Variants in GPC6 observed in about 807,000 individuals in gnomAD.
The protein encoded by GPC6 is glypican-6.
Under a neutral mutation model 55.2 loss-of-function variants are expected in GPC6, and 14 were observed. The ratio of observed to expected loss-of-function variants is 0.25; its 90% CI spans 0.17 to 0.40. The LOEUF (loss-of-function observed/expected upper bound fraction) is 0.40, where lower values mean the gene tolerates loss of function less well. GPC6 is among the 10% of genes least tolerant of loss of function. The probability of loss-of-function intolerance (pLI) is 1.00; values close to 1 mark genes in which losing one functional copy is unlikely to be tolerated. For missense variants in GPC6, 641 were observed against 708.5 expected, an observed-to-expected ratio of 0.90 and a Z score of 1.08; for synonymous variants, 278 against 259.6, an observed-to-expected ratio of 1.07 and a Z score of -0.68.
chr13:94,345,268 T>A (rs1878230901), intron 6 of GPC6, among the ~76,000 whole-genome samples: 1 of 152,110 alleles, frequency 6.6e-6, no homozygotes, highest in Non-Finnish European at 1.5e-5. Context: ...ACACCAAGTT[T>A]TATATATATA....
chr13:93,563,197 A>G (rs1316545300), intron 2 of GPC6, among the ~76,000 whole-genome samples: 1 of 152,122 alleles, frequency 6.6e-6, no homozygotes, highest in Non-Finnish European at 1.5e-5. Flanking sequence ...GATATGATCC[A>G]CTTAATTATG....
intron 6 of GPC6, among the ~76,000 whole-genome samples, chr13:94,360,423 C>G (rs1411241492): frequency 6.6e-6 from 1 of 152,138 alleles, no homozygotes; most frequent in Non-Finnish European, 1.5e-5. Flanking sequence ...GCATTTGATT[C>G]ATCTGTCTTT....
intron 3 of GPC6, among the ~76,000 whole-genome samples, chr13:93,983,866 G>A (rs1195526154): frequency 6.6e-6 from 1 of 151,076 alleles, no homozygotes; most frequent in Admixed American, 6.6e-5. Context: ...GAGAGTAGCT[G>A]ATTCTTGCCT....
intron 1 of GPC6, among the ~76,000 whole-genome samples, chr13:93,393,493 G>A (rs994106163): frequency 4.6e-5 from 7 of 152,012 alleles, no homozygotes; most frequent in African/African-American, 7.2e-5. Context: ...CATTGCCAGA[G>A]TACCAAGTAT....
chr13:93,991,551 A>G (rs1881307889), intron 3 of GPC6, among the ~76,000 whole-genome samples: 1 of 152,190 alleles, frequency 6.6e-6, no homozygotes, highest in Non-Finnish European at 1.5e-5. Flanking sequence ...ATGTCTTCTT[A>G]ATTTCTATTC....
At chr13:93,243,799 C>G (rs1311839796) in intron 1 of GPC6, among the ~76,000 whole-genome samples, 1 of 152,166 alleles carries the variant, frequency 6.6e-6, no homozygotes, top group Non-Finnish European at 1.5e-5. Flanking sequence ...TTCACAAGCA[C>G]TGTGTTACTG....
chr13:94,209,215 A>G (rs1476374184), intron 4 of GPC6, among the ~76,000 whole-genome samples: 1 of 152,186 alleles, frequency 6.6e-6, no homozygotes, highest in Non-Finnish European at 1.5e-5. Flanking sequence ...AGAAGGAAGA[A>G]AAGGCAATAA....
At chr13:93,994,879 C>T (rs1364035702) in intron 3 of GPC6, among the ~76,000 whole-genome samples, 1 of 152,174 alleles carries the variant, frequency 6.6e-6, no homozygotes, top group Non-Finnish European at 1.5e-5. Context: ...AGTTTCTACA[C>T]TGTATGCTGA....
intron 2 of GPC6, among the ~76,000 whole-genome samples, chr13:93,615,298 C>A (rs1594313461): frequency 6.6e-6 from 1 of 152,110 alleles, no homozygotes; most frequent in Non-Finnish European, 1.5e-5. Flanking sequence ...TAACTTTGTC[C>A]AAAGTCAGTG....
chr13:94,024,316 A>G (rs954267352), intron 3 of GPC6, among the ~76,000 whole-genome samples: 3 of 152,162 alleles, frequency 2.0e-5, no homozygotes, highest in Admixed American at 1.3e-4. Context: ...TTGAGCTTAT[A>G]TTAATTTCAA....
chr13:93,418,319 C>G (rs1203944434), intron 1 of GPC6, among the ~76,000 whole-genome samples: 2 of 151,316 alleles, frequency 1.3e-5, no homozygotes, highest in African/African-American at 4.8e-5. Flanking sequence ...TTAAAATATA[C>G]AATTAATTAT....
At chr13:93,987,344 T>G (rs561055895) in intron 3 of GPC6, among the ~76,000 whole-genome samples, 3 of 152,362 alleles carry the variant, frequency 2.0e-5, no homozygotes, top group East Asian at 3.9e-4. Context: ...GTTTGCCAGA[T>G]AATTTTAAAT....
intron 1 of GPC6, among the ~76,000 whole-genome samples, chr13:93,513,592 T>C (rs1164565658): frequency 1.3e-5 from 2 of 152,224 alleles, no homozygotes; most frequent in African/African-American, 2.4e-5. Flanking sequence ...AGAGATATTC[T>C]AAAATAAAAG....
At chr13:93,649,388 G>C (rs977577126) in intron 2 of GPC6, among the ~76,000 whole-genome samples, 1 of 152,174 alleles carries the variant, frequency 6.6e-6, no homozygotes, top group Non-Finnish European at 1.5e-5. Flanking sequence ...GGACATAGAT[G>C]CTGCAATAAG....
At chr13:93,464,935 A>T (rs371661551) in intron 1 of GPC6, among the ~76,000 whole-genome samples, 1 of 152,348 alleles carries the variant, frequency 6.6e-6, no homozygotes, top group South Asian at 2.1e-4. Context: ...TTGTGTTAGC[A>T]GGAATCAAAA....
rs1490852125 is a variant in GPC6 at position 93,293,400 on chromosome 13, T to C, written c.160+65784T>C. ...TTTCCAGAAATTAATCTGATATCTG[T>C]TTTTGTTAGTTAGAACTATGTTACT... On this transcript the variant is annotated intron_variant, in intron 1 of 8. Coordinates refer to ENST00000377047, the MANE Select transcript of GPC6 (RefSeq NM_005708.5). Among the ~76,000 whole-genome samples the C allele has an allele frequency of 2.0e-5, 3 of 152,158 alleles. No individual in the cohort carries two copies. The East Asian group carries it at 5.8e-4, about 29-fold the overall frequency.
chr13:94,309,684 A>G (rs1876137084), intron 6 of GPC6, among the ~76,000 whole-genome samples: 1 of 138,868 alleles, frequency 7.2e-6, no homozygotes, highest in African/African-American at 2.5e-5. Flanking sequence ...GTATTTTTAT[A>G]AATTTAGCTG....
intron 1 of GPC6, among the ~76,000 whole-genome samples, chr13:93,330,135 G>T (rs11619144): frequency 4.6e-5 from 7 of 151,988 alleles, no homozygotes; most frequent in African/African-American, 1.7e-4. Context: ...TCTTCATTGT[G>T]CAAGAATGTC....
intron 2 of GPC6, among the ~76,000 whole-genome samples, chr13:93,606,249 A>G (rs776804691): frequency 3.1e-4 from 47 of 152,214 alleles, no homozygotes; most frequent in Admixed American, 1.5e-3. Context: ...TCTAGTTCCT[A>G]TCACAACATG....
Sources: allele counts gnomAD v4.1 joint callset (sites outside exome capture counted in the v4.1 genomes callset), GRCh38; gene constraint gnomAD v4.1.1; transcripts MANE v1.5; gene names NCBI Gene and HGNC (gene_info 2026-07-23, HGNC 2026-07-21).